Variants in KCNJ3 observed in about 807,000 individuals in gnomAD.
The protein encoded by KCNJ3 is G protein-activated inward rectifier potassium channel 1.
A neutral mutation model predicts 39.2 loss-of-function variants in KCNJ3; 4 were observed. The ratio of observed to expected loss-of-function variants is 0.10; its 90% CI spans 0.05 to 0.23. KCNJ3 has a LOEUF of 0.23. KCNJ3 is among the 10% of genes least tolerant of loss of function. The probability of loss-of-function intolerance (pLI) is 1.00; values close to 1 mark genes in which losing one functional copy is unlikely to be tolerated. For synonymous variants in KCNJ3, 230 were observed against 237.4 expected (o/e 0.97, Z 0.29); for missense variants, 276 against 634.9 (o/e 0.43, Z 6.08).
chr2:154,774,192 C>A (rs1056709024), intron 2 of KCNJ3, among the ~76,000 whole-genome samples: 1 of 152,066 alleles, frequency 6.6e-6, no homozygotes, highest in Non-Finnish European at 1.5e-5. Context: ...GACATATATT[C>A]TCAAAATGAA....
At chr2:154,774,286 G>C (rs986689663) in intron 2 of KCNJ3, among the ~76,000 whole-genome samples, 14 of 152,054 alleles carry the variant, frequency 9.2e-5, no homozygotes, top group African/African-American at 3.4e-4. Flanking sequence ...CAATTTCCAT[G>C]CCTGTAAAGT....
intron 2 of KCNJ3, among the ~76,000 whole-genome samples, chr2:154,774,710 A>AG (rs35174054): frequency 2.0e-5 from 3 of 152,182 alleles, no homozygotes; most frequent in African/African-American, 7.2e-5. Context: ...TATTAGAAAC[A>AG]GGGAAAAGGC....
chr2:154,832,263 A>AAAAGT (rs1687377761), intron 2 of KCNJ3, among the ~76,000 whole-genome samples: 1 of 152,190 alleles, frequency 6.6e-6, no homozygotes, highest in South Asian at 2.1e-4. Context: ...TTAATTAAAA[A>AAAAGT]AAAGTATGAA....
At chr2:154,800,305 T>G (rs1352320353) in intron 2 of KCNJ3, among the ~76,000 whole-genome samples, 1 of 152,216 alleles carries the variant, frequency 6.6e-6, no homozygotes, top group African/African-American at 2.4e-5. Flanking sequence ...TGAAGTCAAG[T>G]GTTCCGTTTC....
intron 1 of KCNJ3, among the ~76,000 whole-genome samples, chr2:154,704,642 A>G (rs967104057): frequency 1.3e-5 from 2 of 152,140 alleles, no homozygotes; most frequent in Admixed American, 1.3e-4. Flanking sequence ...GTACAATGTA[A>G]TTGTAGACAA....
chr2:154,776,839 C>A (rs1047832921), intron 2 of KCNJ3, among the ~76,000 whole-genome samples: 1 of 151,936 alleles, frequency 6.6e-6, no homozygotes, highest in African/African-American at 2.4e-5. Flanking sequence ...TTTTACATTT[C>A]TTCGCAATCC....
chr2:154,731,943 C>T lies in KCNJ3; in HGVS notation c.919+22124C>T, dbSNP rs978464502. On this transcript the variant is annotated intron_variant, in intron 2 of 2. Transcript: ENST00000295101. ...TAGTATAGCAATAGTGTATTCATTA[C>T]GATGTGCCAGGGAAGAGACTAAACA... Among the ~76,000 whole-genome samples, 4 of 152,044 alleles carry T rather than the reference C, an allele frequency of 2.6e-5. No homozygotes were observed. In the East Asian group the frequency reaches 5.8e-4, roughly 22 times the overall value.
intron 2 of KCNJ3, among the ~76,000 whole-genome samples, chr2:154,793,183 A>G (rs1006648289): frequency 1.3e-5 from 2 of 152,082 alleles, no homozygotes; most frequent in Non-Finnish European, 2.9e-5. Flanking sequence ...AAGTGCAAGC[A>G]TAGGTCATAA....
intron 2 of KCNJ3, among the ~76,000 whole-genome samples, chr2:154,833,173 T>C (rs2105121400): frequency 6.6e-6 from 1 of 152,340 alleles, no homozygotes; most frequent in African/African-American, 2.4e-5. Context: ...TCACGGTATG[T>C]AGGTCCTTTA....
At chr2:154,770,083 A>G (rs1217991444) in intron 2 of KCNJ3, among the ~76,000 whole-genome samples, 2 of 152,196 alleles carry the variant, frequency 1.3e-5, no homozygotes, top group Admixed American at 1.3e-4. Flanking sequence ...AATGAGTTGC[A>G]CACCTTAACT....
intron 2 of KCNJ3, among the ~76,000 whole-genome samples, chr2:154,833,872 ATTT>A (rs138056231): frequency 6.6e-6 from 1 of 151,184 alleles, no homozygotes; most frequent in East Asian, 1.9e-4. Context: ...TTAATAGTGT[ATTT>A]TTTTTTATTA....
At chr2:154,815,265 A>G (rs1687064263) in intron 2 of KCNJ3, among the ~76,000 whole-genome samples, 2 of 152,186 alleles carry the variant, frequency 1.3e-5, no homozygotes, top group Admixed American at 1.3e-4. Context: ...TAAATCCTAA[A>G]AAGGTAAACA....
intron 2 of KCNJ3, among the ~76,000 whole-genome samples, chr2:154,783,481 C>T (rs1686475150): frequency 6.6e-6 from 1 of 152,170 alleles, no homozygotes; most frequent in Non-Finnish European, 1.5e-5. Flanking sequence ...CCACTACTAA[C>T]ACCCTGGATC....
intron 2 of KCNJ3, among the ~76,000 whole-genome samples, chr2:154,838,323 A>G (rs1687504376): frequency 6.6e-6 from 1 of 152,172 alleles, no homozygotes; most frequent in Non-Finnish European, 1.5e-5. Flanking sequence ...AAAATAGCAG[A>G]CTAGCATGGA....
chr2:154,716,703 G>A (rs947655078), intron 2 of KCNJ3, among the ~76,000 whole-genome samples: 2 of 152,126 alleles, frequency 1.3e-5, no homozygotes, highest in Non-Finnish European at 2.9e-5. Flanking sequence ...ATAAACTTCC[G>A]ATATTGGTTA....
At chr2:154,836,947 A>AGTT (rs978442229) in intron 2 of KCNJ3, among the ~76,000 whole-genome samples, 1 of 152,214 alleles carries the variant, frequency 6.6e-6, no homozygotes, top group African/African-American at 2.4e-5. Flanking sequence ...AAGACTCATG[A>AGTT]GTTGGGGTAA....
chr2:154,768,148 C>T (rs1470385070), intron 2 of KCNJ3, among the ~76,000 whole-genome samples: 1 of 152,194 alleles, frequency 6.6e-6, no homozygotes, highest in Non-Finnish European at 1.5e-5. Flanking sequence ...CCTGTTCACT[C>T]TGCTGGTGGT....
rs371616679 is a variant in KCNJ3, at chr2:154,711,324, G to A, written c.919+1505G>A. Among the ~76,000 whole-genome samples, 6 of 152,044 alleles carry A rather than the reference G, an allele frequency of 3.9e-5. No homozygotes were observed. In the East Asian group the frequency reaches 1.2e-3, roughly 29 times the overall value. ...GTATTAGGGCTTAAAAACAGATGTT[G>A]CCATTTTTATTGGTTTATTTCTTAT... On this transcript the variant is annotated intron_variant, in intron 2 of 2. Coordinates refer to ENST00000295101, the MANE Select transcript of KCNJ3 (RefSeq NM_002239.4).
At chr2:154,743,882 A>C (rs888552980) in intron 2 of KCNJ3, among the ~76,000 whole-genome samples, 3 of 151,558 alleles carry the variant, frequency 2.0e-5, no homozygotes, top group African/African-American at 7.3e-5. Flanking sequence ...ATGTTGAGTA[A>C]GAGTGATAGA....
Sources: allele counts gnomAD v4.1 joint callset (sites outside exome capture counted in the v4.1 genomes callset), GRCh38; gene constraint gnomAD v4.1.1; transcripts MANE v1.5; gene names NCBI Gene and HGNC (gene_info 2026-07-23, HGNC 2026-07-21).